The following TENM3 variants were observed in gnomAD, a reference collection of about 807,000 sequenced individuals.
TENM3 encodes the protein teneurin-3.
Under a neutral mutation model 255.1 loss-of-function variants are expected in TENM3, and 63 were observed. That is an observed-to-expected ratio of 0.25 (90% CI 0.20 to 0.30). The LOEUF (loss-of-function observed/expected upper bound fraction) is 0.30. Ranked by LOEUF, TENM3 falls within the 10% of genes least tolerant of loss-of-function variation. TENM3 has a pLI of 1.00. For missense variants in TENM3, 2,929 were observed against 3,461.1 expected (o/e 0.85, Z 3.86); for synonymous variants, 1,306 against 1,322.3 (o/e 0.99, Z 0.27).
At chr4:181,598,377 G>C in the TENM3 span, among the ~76,000 whole-genome samples, 12 of 152,098 alleles carry the variant, frequency 7.9e-5, no homozygotes, top group African/African-American at 2.9e-4. Flanking sequence ...TCCCACAACA[G>C]TGGTTGACCA....
At chr4:181,778,723 A>C in the TENM3 span, among the ~76,000 whole-genome samples, 2 of 152,136 alleles carry the variant, frequency 1.3e-5, no homozygotes, top group Non-Finnish European at 2.9e-5. Flanking sequence ...CTAAAAAGAA[A>C]TATCTAAAAG....
the TENM3 span, among the ~76,000 whole-genome samples, chr4:181,675,830 A>G: frequency 2.2e-5 from 3 of 138,206 alleles, no homozygotes; most frequent in Non-Finnish European, 1.6e-5. Flanking sequence ...TCTTCAATTC[A>G]ATTAGTTTAG....
At chr4:181,713,880 G>A in the TENM3 span, among the ~76,000 whole-genome samples, 6 of 152,034 alleles carry the variant, frequency 3.9e-5, no homozygotes, top group Admixed American at 3.9e-4. Flanking sequence ...GGTACCCTTA[G>A]CCAAGCCAGC....
chr4:182,275,977 T>G (rs1370729874), intron 1 of TENM3, among the ~76,000 whole-genome samples: 3 of 152,060 alleles, frequency 2.0e-5, no homozygotes, highest in Non-Finnish European at 4.4e-5. Flanking sequence ...AAAAAAAATT[T>G]TTTTAAGGTG....
At chr4:181,596,366 AT>A in the TENM3 span, among the ~76,000 whole-genome samples, 1 of 152,154 alleles carries the variant, frequency 6.6e-6, no homozygotes, top group African/African-American at 2.4e-5. Context: ...ATACAGGAAG[AT>A]TTTACTTACA....
the TENM3 span, among the ~76,000 whole-genome samples, chr4:181,938,553 T>C: frequency 2.6e-5 from 4 of 152,188 alleles, no homozygotes; most frequent in East Asian, 7.7e-4. Context: ...TAGTAGCCGA[T>C]AAAGGCCTAA....
the TENM3 span, among the ~76,000 whole-genome samples, chr4:182,110,574 C>T: frequency 1.3e-5 from 2 of 152,150 alleles, no homozygotes; most frequent in Non-Finnish European, 2.9e-5. Context: ...AATCCACCTG[C>T]CTTGGCCTCC....
intron 24 of TENM3, among the ~76,000 whole-genome samples, chr4:182,777,805 G>A (rs972336063): frequency 2.8e-4 from 42 of 149,138 alleles, no homozygotes; most frequent in African/African-American, 7.8e-4. Flanking sequence ...TCATCTGCCC[G>A]CCTCGGCCTC....
the TENM3 span, among the ~76,000 whole-genome samples, chr4:182,061,778 G>A: frequency 6.8e-4 from 103 of 152,194 alleles, no homozygotes; most frequent in African/African-American, 2.4e-3. Flanking sequence ...GGGCATCACA[G>A]GGAGACACCA....
At chr4:181,936,916 C>A in the TENM3 span, among the ~76,000 whole-genome samples, 3 of 152,156 alleles carry the variant, frequency 2.0e-5, no homozygotes, top group Non-Finnish European at 4.4e-5. Flanking sequence ...CTGCCCCCCA[C>A]GAAGCTTTCA....
intron 3 of TENM3, among the ~76,000 whole-genome samples, chr4:182,597,222 G>T (rs953712228): frequency 1.3e-5 from 2 of 152,088 alleles, no homozygotes; most frequent in African/African-American, 4.8e-5. Context: ...GGGCAACATA[G>T]GGAAACCCCA....
In TENM3 at chr4:182,792,565, A is replaced by G; in HGVS notation, c.5893A>G (p.Arg1965Gly). The G allele has an allele frequency of 1.2e-6, 2 of 1,614,062 alleles. No individual in the cohort carries two copies. The highest frequency in any genetic ancestry group is 1.7e-6 in the Non-Finnish European group (2 of 1,179,890). The change falls in exon 26 of 28, where the codon AGA (arginine) becomes GGA (glycine). Residue 1965 changes from arginine (R) to glycine (G), a missense_variant. Physicochemically the swap from Arg to Gly is moderately radical, Grantham distance 125. Coordinates refer to ENST00000511685, the MANE Select transcript of TENM3 (RefSeq NM_001080477.4). This position sits in a 1 kb window ranked among gnomAD's most constrained non-coding sequence, Gnocchi z 6.3. ...RLSEILYDST[R>G]VSFTYDETAG... is the part of the protein sequence containing the mutation. ...CTCAGAAATTTTATATGATAGCACA[A>G]GAGTCAGTTTTACCTATGATGAAAC...
the TENM3 span, among the ~76,000 whole-genome samples, chr4:181,690,888 G>T: frequency 2.0e-5 from 3 of 152,058 alleles, no homozygotes; most frequent in Non-Finnish European, 2.9e-5. Flanking sequence ...AATTAAAGGG[G>T]TAACAGAACC....
At chr4:182,777,139 G>C (rs1217281490) in intron 24 of TENM3, among the ~76,000 whole-genome samples, 1 of 152,040 alleles carries the variant, frequency 6.6e-6, no homozygotes, top group Non-Finnish European at 1.5e-5. Context: ...AGCCCACCAA[G>C]ACAGTGAGAA....
intron 6 of TENM3, among the ~76,000 whole-genome samples, chr4:182,654,987 T>A (rs1001766426): frequency 6.6e-6 from 1 of 152,218 alleles, no homozygotes; most frequent in African/African-American, 2.4e-5. Context: ...TATATAAAGT[T>A]CTGCATGTTC....
chr4:182,423,270 G>A (rs748175689), intron 3 of TENM3, among the ~76,000 whole-genome samples: 5 of 152,166 alleles, frequency 3.3e-5, no homozygotes, highest in Non-Finnish European at 7.3e-5. Flanking sequence ...ACTTTAGGAA[G>A]AGAGGTGCTG....
the TENM3 span, among the ~76,000 whole-genome samples, chr4:181,622,498 A>G: frequency 6.6e-6 from 1 of 152,096 alleles, no homozygotes; most frequent in South Asian, 2.1e-4. Flanking sequence ...CAACTTGGTG[A>G]AACCCTGTCT....
the TENM3 span, among the ~76,000 whole-genome samples, chr4:181,881,956 A>C: frequency 6.6e-6 from 1 of 152,226 alleles, no homozygotes; most frequent in Non-Finnish European, 1.5e-5. Context: ...ACATTCATGC[A>C]ACTTCCGTGA....
At chr4:181,856,434 C>T in the TENM3 span, among the ~76,000 whole-genome samples, 1 of 152,270 alleles carries the variant, frequency 6.6e-6, no homozygotes, top group African/African-American at 2.4e-5. Flanking sequence ...CCAGTCAACC[C>T]ATTTGAGATT....
Sources: allele counts gnomAD v4.1 joint callset (sites outside exome capture counted in the v4.1 genomes callset), GRCh38; gene constraint gnomAD v4.1.1; non-coding constraint Gnocchi (gnomAD v3.1); transcripts MANE v1.5; gene names NCBI Gene and HGNC (gene_info 2026-07-23, HGNC 2026-07-21).